The following GABRG3 variants were observed in gnomAD, a reference collection of about 807,000 sequenced individuals.
The protein encoded by GABRG3 is gamma-aminobutyric acid receptor subunit gamma-3.
GABRG3 carries 25 observed loss-of-function variants against 48.8 expected under a neutral mutation model. That is an observed-to-expected ratio of 0.51 (90% CI 0.37 to 0.72). The LOEUF (loss-of-function observed/expected upper bound fraction) is 0.72, where lower values mean the gene tolerates loss of function less well. GABRG3 is among the 30% of genes least tolerant of loss of function. The pLI is 0.00. For synonymous variants in GABRG3, 227 were observed against 217.6 expected, an observed-to-expected ratio of 1.04 and a Z score of -0.38; for missense variants, 394 against 577.9, an observed-to-expected ratio of 0.68 and a Z score of 3.26.
chr15:27,429,591 C>T (rs544198109), intron 5 of GABRG3, among the ~76,000 whole-genome samples: 6 of 152,276 alleles, frequency 3.9e-5, no homozygotes, highest in Admixed American at 2.6e-4. Context: ...ATTCTCTTTC[C>T]CCAGATCCTG....
At chr15:27,240,935 A>T (rs955437929) in intron 3 of GABRG3, among the ~76,000 whole-genome samples, 39 of 152,182 alleles carry the variant, frequency 2.6e-4, no homozygotes, top group African/African-American at 7.5e-4. Flanking sequence ...TTCACATTTC[A>T]TATGGAATCC....
At chr15:27,398,934 G>T (rs569110850) in intron 5 of GABRG3, among the ~76,000 whole-genome samples, 3 of 152,222 alleles carry the variant, frequency 2.0e-5, no homozygotes, top group African/African-American at 7.2e-5. Flanking sequence ...AATAGCAAGT[G>T]CAGGGCATGC....
At chr15:27,314,389 T>C (rs182117646) in intron 3 of GABRG3, among the ~76,000 whole-genome samples, 37 of 152,288 alleles carry the variant, frequency 2.4e-4, no homozygotes, top group Admixed American at 5.9e-4. Flanking sequence ...TTAAAATGGC[T>C]ATCATCAAAA....
chr15:26,977,345 C>G (rs990147419), intron 2 of GABRG3, among the ~76,000 whole-genome samples, 195 bp downstream of exon 2: 2 of 152,084 alleles, frequency 1.3e-5, no homozygotes, highest in African/African-American at 4.8e-5. Context: ...GAACGTGGCT[C>G]TGTGTCATTT....
intron 3 of GABRG3, among the ~76,000 whole-genome samples, chr15:27,286,583 CAAATAT>C (rs1314281789): frequency 6.8e-6 from 1 of 146,780 alleles, no homozygotes; most frequent in Non-Finnish European, 1.5e-5. Context: ...TTAGAGAAAT[CAAATAT>C]AAACAAACTT....
rs184164626 is a variant in GABRG3 at position 27,256,285 on chromosome 15, C to T, written c.271-70524C>T. Reference sequence around the variant, plus strand: ...GTGAAACCCGTCTCTACTAAAAATACAAAAAATTAGCCGGGTGCGATGGAG... The same window carrying T: ...GTGAAACCCGTCTCTACTAAAAATATAAAAAATTAGCCGGGTGCGATGGAG... On this transcript the variant is annotated intron_variant, in intron 3 of 9. Coordinates refer to ENST00000615808, the MANE Select transcript of GABRG3 (RefSeq NM_033223.5). Among the ~76,000 whole-genome samples the T allele has an allele frequency of 3.2e-3, 493 of 151,766 alleles. 3 individuals are homozygous for T. The highest frequency in any genetic ancestry group is 0.01 in the Middle Eastern group (3 of 294).
At chr15:27,298,117 C>G (rs942089537) in intron 3 of GABRG3, among the ~76,000 whole-genome samples, 1 of 152,032 alleles carries the variant, frequency 6.6e-6, no homozygotes, top group African/African-American at 2.4e-5. Flanking sequence ...ATATTGAACC[C>G]TATGAATAAC....
At chr15:27,248,417 G>GTC (rs1237591319) in intron 3 of GABRG3, among the ~76,000 whole-genome samples, 2 of 152,156 alleles carry the variant, frequency 1.3e-5, no homozygotes, top group African/African-American at 4.8e-5. Context: ...CCTCCCACTA[G>GTC]TCCTGTGGCT....
chr15:27,308,243 T>TATATAAACATACGTTTATATATAAACATA (rs1566773573), intron 3 of GABRG3, among the ~76,000 whole-genome samples: 1 of 131,214 alleles, frequency 7.6e-6, no homozygotes, highest in Admixed American at 7.7e-5. Context: ...TATCCAAACA[T>TATATAAACATACGTTTATATATAAACATA]ATATAAACAT....
At position 27,447,270 on chromosome 15, in the gene GABRG3, G is replaced by C. The variant is rs1484963935; in HGVS notation, c.575-33380G>C. ...AGACAGGCATGTCCCAGAAGCATCA[G>C]ACTAACCTGCAGCACCCCAGGGAAA... On this transcript the variant is annotated intron_variant, in intron 5 of 9. Coordinates refer to ENST00000615808, the MANE Select transcript of GABRG3 (RefSeq NM_033223.5). The surrounding 1 kb of genome is among the most constrained non-coding windows in gnomAD (Gnocchi z 4.0). Among the ~76,000 whole-genome samples the C allele has an allele frequency of 6.6e-6, 1 of 152,138 alleles. No homozygotes were observed. The highest frequency in any genetic ancestry group is 1.5e-5 in the Non-Finnish European group (1 of 68,032).
At chr15:27,392,976 TTC>T (rs1404643542) in intron 5 of GABRG3, among the ~76,000 whole-genome samples, 1 of 152,158 alleles carries the variant, frequency 6.6e-6, no homozygotes, top group African/African-American at 2.4e-5. Flanking sequence ...CACACTTATA[TTC>T]TGTTTTTTTC....
chr15:27,048,169 C>T (rs1490981031), intron 3 of GABRG3, among the ~76,000 whole-genome samples: 6 of 152,158 alleles, frequency 3.9e-5, no homozygotes, highest in Admixed American at 3.3e-4. Flanking sequence ...TGCCAGAGGA[C>T]TGCACCCCAC....
chr15:27,205,116 G>T (rs1888811754), intron 3 of GABRG3, among the ~76,000 whole-genome samples: 1 of 151,990 alleles, frequency 6.6e-6, no homozygotes, highest in Non-Finnish European at 1.5e-5. Context: ...GCGAGAGAAG[G>T]TATCCTTGTC....
intron 3 of GABRG3, among the ~76,000 whole-genome samples, chr15:27,085,710 A>T (rs567594987): frequency 1.3e-5 from 2 of 152,324 alleles, no homozygotes; most frequent in East Asian, 3.9e-4. Flanking sequence ...AGATTGAATG[A>T]AACAACACAG....
intron 3 of GABRG3, among the ~76,000 whole-genome samples, chr15:27,196,250 A>T (rs56069283): frequency 0.05 from 7,627 of 152,072 alleles, 234 homozygotes; most frequent in South Asian, 0.075. Context: ...CCTCTTCCTT[A>T]TACCAGTGTT....
At chr15:27,316,240 T>G (rs1893210910) in intron 3 of GABRG3, among the ~76,000 whole-genome samples, 1 of 151,800 alleles carries the variant, frequency 6.6e-6, no homozygotes, top group South Asian at 2.1e-4. Context: ...ACAAAAAAAT[T>G]AGCCGGGCCT....
rs925032715 is a variant in GABRG3, at chr15:27,506,801, C to T, written c.713-13171C>T. Reference sequence around the variant, plus strand: ...AAAAGCAACTTTTGGGTTTTTTTTTCTTTTAAATTTCACTAACTTCTTTTA... The same window carrying T: ...AAAAGCAACTTTTGGGTTTTTTTTTTTTTTAAATTTCACTAACTTCTTTTA... On this transcript the variant is annotated intron_variant, in intron 6 of 9. Transcript: ENST00000615808. Among the ~76,000 whole-genome samples, 3 of 151,036 alleles carry T rather than the reference C, an allele frequency of 2.0e-5. No individual in the cohort carries two copies. The South Asian group carries it at 6.3e-4, about 32-fold the overall frequency.
intron 3 of GABRG3, among the ~76,000 whole-genome samples, chr15:27,131,717 A>AGCCAT (rs1420479890): frequency 1.3e-5 from 2 of 152,016 alleles, no homozygotes; most frequent in African/African-American, 4.8e-5. Flanking sequence ...TTTGAGGAAC[A>AGCCAT]GCCATACTGT....
At chr15:27,412,099 C>G (rs931303852) in intron 5 of GABRG3, among the ~76,000 whole-genome samples, 6 of 151,832 alleles carry the variant, frequency 4.0e-5, no homozygotes, top group African/African-American at 1.5e-4. Context: ...TGTATTTCTC[C>G]TTCACTTTTT....
Sources: allele counts gnomAD v4.1 joint callset (sites outside exome capture counted in the v4.1 genomes callset), GRCh38; gene constraint gnomAD v4.1.1; non-coding constraint Gnocchi (gnomAD v3.1); transcripts MANE v1.5; gene names NCBI Gene and HGNC (gene_info 2026-07-23, HGNC 2026-07-21).